Variants in SUPT3H observed in about 807,000 individuals in gnomAD.
SUPT3H encodes the protein transcription initiation protein SPT3 homolog.
SUPT3H carries 44 observed loss-of-function variants against 44.3 expected under a neutral mutation model. The observed-to-expected ratio is 0.99, with a 90% CI of 0.78 to 1.28. SUPT3H has a LOEUF of 1.28. SUPT3H is among the 50% of genes most tolerant of loss of function. SUPT3H has a pLI of 0.00. For missense variants in SUPT3H, 380 were observed against 387.1 expected (o/e 0.98, Z 0.15); for synonymous variants, 124 against 125.6 (o/e 0.99, Z 0.09).
intron 10 of SUPT3H, among the ~76,000 whole-genome samples, chr6:44,851,457 A>G (rs1194717391): frequency 6.6e-6 from 1 of 152,198 alleles, no homozygotes; most frequent in Admixed American, 6.5e-5. Context: ...AATAAATCCA[A>G]CTTCAGATTG....
intron 6 of SUPT3H, among the ~76,000 whole-genome samples, chr6:44,970,031 G>T (rs575205274): frequency 6.6e-6 from 1 of 152,158 alleles, no homozygotes; most frequent in African/African-American, 2.4e-5. Context: ...GTGCTACTAT[G>T]ACATAATAGA....
At chr6:45,102,956 A>G (rs904340807) in intron 3 of SUPT3H, among the ~76,000 whole-genome samples, 1 of 152,118 alleles carries the variant, frequency 6.6e-6, no homozygotes, top group Non-Finnish European at 1.5e-5. Context: ...AGAAAAAAAA[A>G]AAAAGATGTT....
At chr6:45,206,330 T>A (rs775733500) in intron 2 of SUPT3H, among the ~76,000 whole-genome samples, 2 of 151,866 alleles carry the variant, frequency 1.3e-5, no homozygotes, top group Non-Finnish European at 2.9e-5. Flanking sequence ...ATCAATGAGG[T>A]CTTCAATGAT....
intron 2 of SUPT3H, among the ~76,000 whole-genome samples, chr6:45,268,675 T>C (rs1170689942): frequency 6.6e-6 from 1 of 151,982 alleles, no homozygotes; most frequent in African/African-American, 2.4e-5. Flanking sequence ...CAAAACTAAA[T>C]GTTAGATAAC....
chr6:45,335,646 T>C (rs1788391132), intron 2 of SUPT3H, among the ~76,000 whole-genome samples: 1 of 151,294 alleles, frequency 6.6e-6, no homozygotes, highest in South Asian at 2.1e-4. Flanking sequence ...TATCAATCAC[T>C]GTGTTTTCCA....
intron 3 of SUPT3H, among the ~76,000 whole-genome samples, chr6:45,036,652 A>C (rs1386692841): frequency 6.6e-6 from 1 of 152,162 alleles, no homozygotes; most frequent in Non-Finnish European, 1.5e-5. Flanking sequence ...AATAATTTCA[A>C]ACCTAAAAGT....
At chr6:45,062,615 A>C (rs7763716) in intron 3 of SUPT3H, among the ~76,000 whole-genome samples, 11 of 152,214 alleles carry the variant, frequency 7.2e-5, no homozygotes, top group African/African-American at 2.2e-4. Context: ...CACCATGCGC[A>C]AGCCGAAGCA....
chr6:44,935,657 T>G (rs1771284947), intron 9 of SUPT3H, among the ~76,000 whole-genome samples: 1 of 152,202 alleles, frequency 6.6e-6, no homozygotes, highest in African/African-American at 2.4e-5. Context: ...ATCCTTCCAT[T>G]TTTGTATTAA....
intron 6 of SUPT3H, among the ~76,000 whole-genome samples, chr6:44,965,300 G>T (rs554749698): frequency 6.6e-6 from 1 of 152,282 alleles, no homozygotes; most frequent in African/African-American, 2.4e-5. Flanking sequence ...CCCTAGGCTG[G>T]TATCTGCTAC....
chr6:45,180,149 C>T (rs1812861186), intron 2 of SUPT3H, among the ~76,000 whole-genome samples: 4 of 129,980 alleles, frequency 3.1e-5, no homozygotes, highest in Non-Finnish European at 3.3e-5. Flanking sequence ...ACCTAGGAAT[C>T]CAACTTACAA....
intron 2 of SUPT3H, among the ~76,000 whole-genome samples, chr6:45,248,064 C>T (rs1164000932): frequency 6.6e-6 from 1 of 152,018 alleles, no homozygotes; most frequent in Non-Finnish European, 1.5e-5. Context: ...ACAACTTATA[C>T]AAATGTAATT....
chr6:45,311,167 G>A (rs922612506), intron 2 of SUPT3H, among the ~76,000 whole-genome samples: 2 of 152,158 alleles, frequency 1.3e-5, no homozygotes, highest in African/African-American at 4.8e-5. Flanking sequence ...AACAGAACAA[G>A]TAGAAGAAAT....
intron 9 of SUPT3H, among the ~76,000 whole-genome samples, chr6:44,947,014 T>A (rs544068869): frequency 6.6e-6 from 1 of 152,250 alleles, no homozygotes; most frequent in South Asian, 2.1e-4. Context: ...CAGTAGCCAT[T>A]AACATCGAGG....
chr6:44,978,246 T>C (rs1778612082), intron 6 of SUPT3H, among the ~76,000 whole-genome samples: 1 of 152,190 alleles, frequency 6.6e-6, no homozygotes, highest in Non-Finnish European at 1.5e-5. Context: ...AACACCCATG[T>C]GCTGAACTGA....
intron 9 of SUPT3H, among the ~76,000 whole-genome samples, chr6:44,937,209 T>A (rs1469467730): frequency 6.6e-6 from 1 of 151,892 alleles, no homozygotes; most frequent in Admixed American, 6.6e-5. Flanking sequence ...ATAGCTATAC[T>A]GGCCAGGCGC....
intron 3 of SUPT3H, among the ~76,000 whole-genome samples, chr6:45,104,817 A>C (rs958414341): frequency 2.0e-5 from 3 of 152,068 alleles, no homozygotes; most frequent in Non-Finnish European, 4.4e-5. Flanking sequence ...CATTCATAGA[A>C]TGATTCAAGA....
At chr6:45,373,164 A>G (rs1364363744) in intron 1 of SUPT3H, among the ~76,000 whole-genome samples, 1 of 151,536 alleles carries the variant, frequency 6.6e-6, no homozygotes, top group South Asian at 2.1e-4. Flanking sequence ...ATTGCCCATC[A>G]CTCTTAGGCT....
At chr6:45,322,189 T>C (rs1013926805) in intron 2 of SUPT3H, among the ~76,000 whole-genome samples, 4 of 152,070 alleles carry the variant, frequency 2.6e-5, no homozygotes, top group Admixed American at 2.6e-4. Flanking sequence ...AACAATTTTA[T>C]AGTTCATTAA....
chr6:44,814,149 C>T (rs1425936338), intron 11 of SUPT3H, among the ~76,000 whole-genome samples: 2 of 151,810 alleles, frequency 1.3e-5, no homozygotes. Context: ...TGACAGAGGC[C>T]AAAAGAGAAG....
Sources: gnomAD v4.1 joint callset for allele counts (sites outside exome capture counted in the v4.1 genomes callset) on GRCh38, gnomAD v4.1.1 for gene constraint, MANE v1.5 for transcripts, NCBI Gene and HGNC (gene_info 2026-07-23, HGNC 2026-07-21) for gene names.